ANKRD28: variants seen among roughly 807,000 people sequenced by gnomAD.
The protein encoded by ANKRD28 is serine/threonine-protein phosphatase 6 regulatory ankyrin repeat subunit A.
Under a neutral mutation model 126.5 loss-of-function variants are expected in ANKRD28, and 44 were observed. The observed-to-expected ratio is 0.35, with a 90% confidence interval of 0.27 to 0.45. The LOEUF is 0.45. Among genes scored for constraint, ANKRD28 ranks in the 20% least tolerant of loss-of-function variants. The probability of loss-of-function intolerance (pLI) is 1.00; values close to 1 mark genes in which losing one functional copy is unlikely to be tolerated. For synonymous variants in ANKRD28, 442 were observed against 468.5 expected (o/e 0.94, Z 0.73); for missense variants, 1,110 against 1,316.6 (o/e 0.84, Z 2.43).
intron 13 of ANKRD28, among the ~76,000 whole-genome samples, 189 bp downstream of exon 13, chr3:15,709,479 G>C (rs1451835480): frequency 6.6e-6 from 1 of 152,086 alleles, no homozygotes; most frequent in East Asian, 1.9e-4. Context: ...GCTGTGGTAG[G>C]GACTCAAGAA....
intron 4 of ANKRD28, among the ~76,000 whole-genome samples, chr3:15,745,826 T>G (rs977670020): frequency 6.6e-6 from 1 of 152,250 alleles, no homozygotes; most frequent in Non-Finnish European, 1.5e-5. Context: ...GCACCATTGA[T>G]TCTACCCATC....
At chr3:15,715,091 C>T (rs1209499445) in intron 8 of ANKRD28, among the ~76,000 whole-genome samples, 1 of 152,090 alleles carries the variant, frequency 6.6e-6, no homozygotes, top group Admixed American at 6.6e-5. Context: ...TTTATAGTTA[C>T]GTGTACTAAA....
chr3:15,693,274 T>C (rs2069042446), intron 17 of ANKRD28, among the ~76,000 whole-genome samples: 2 of 152,038 alleles, frequency 1.3e-5, no homozygotes, highest in East Asian at 1.9e-4. Context: ...TTTTCTACCA[T>C]TACCACCATA....
intron 14 of ANKRD28, among the ~76,000 whole-genome samples, chr3:15,699,290 T>C (rs1361060540): frequency 1.3e-5 from 2 of 152,124 alleles, no homozygotes; most frequent in Non-Finnish European, 2.9e-5. Context: ...TAAAAAACCC[T>C]ATTAGAAAAC....
chr3:15,847,055 T>C (rs937484701), intron 1 of ANKRD28, among the ~76,000 whole-genome samples: 26 of 152,162 alleles, frequency 1.7e-4, no homozygotes, highest in Middle Eastern at 3.2e-3. Context: ...AAGACACAGA[T>C]TCTGGGGCAT....
In ANKRD28 at chr3:15,815,831, C is replaced by A. The variant is rs1346365824; in HGVS notation, c.28-20525G>T. ...ACCTCATCAGAAAATATTAAAGGTA[C>A]ATTATTTTAGGTTCTACAGCATGTA... is the stretch of plus-strand genomic sequence containing the variant. On this transcript the variant is annotated intron_variant, in intron 1 of 27. Coordinates refer to the ANKRD28 transcript ENST00000399451. The surrounding 1 kb of genome is among the most constrained non-coding windows in gnomAD (Gnocchi z 4.1). Among the ~76,000 whole-genome samples the A allele has an allele frequency of 6.6e-6, 1 of 152,040 alleles. No individual in the cohort carries two copies. The highest frequency in any genetic ancestry group is 2.4e-5 in the African/African-American group (1 of 41,376).
intron 4 of ANKRD28, among the ~76,000 whole-genome samples, chr3:15,742,488 A>C (rs1299266095): frequency 5.8e-5 from 6 of 103,218 alleles, no homozygotes; most frequent in East Asian, 3.0e-4. Context: ...AAGTGAGGAG[A>C]CCCTCCGCCT....
intron 6 of ANKRD28, among the ~76,000 whole-genome samples, chr3:15,727,576 A>G (rs2074265932): frequency 6.6e-6 from 1 of 150,998 alleles, no homozygotes; most frequent in Non-Finnish European, 1.5e-5. Context: ...AAAAAAAAAA[A>G]AAAAAAAAAA....
intron 1 of ANKRD28, among the ~76,000 whole-genome samples, chr3:15,806,118 G>C: frequency 6.6e-6 from 1 of 152,186 alleles, no homozygotes; most frequent in East Asian, 1.9e-4. Context: ...TTGAAAGAAG[G>C]AAGGTATGTT....
intron 2 of ANKRD28, among the ~76,000 whole-genome samples, chr3:15,781,949 A>G (rs57372048): frequency 0.14 from 20,952 of 152,010 alleles, 2,178 homozygotes; most frequent in East Asian, 0.58. Context: ...GGAGTGTAAG[A>G]ATACTACCTG....
intron 1 of ANKRD28, among the ~76,000 whole-genome samples, chr3:15,841,074 G>A (rs1030320316): frequency 6.6e-6 from 1 of 152,176 alleles, no homozygotes; most frequent in African/African-American, 2.4e-5. Flanking sequence ...GGAGGCAGAG[G>A]TTGCAGTAAG....
chr3:15,737,608 G>C (rs377516982), intron 4 of ANKRD28, among the ~76,000 whole-genome samples: 57 of 24,688 alleles, frequency 2.3e-3, no homozygotes, highest in African/African-American at 9.5e-3. Context: ...AGGACTACAG[G>C]TGCATGCCAC....
At chr3:15,701,575 C>G (rs575755870) in intron 14 of ANKRD28, among the ~76,000 whole-genome samples, 1 of 151,878 alleles carries the variant, frequency 6.6e-6, no homozygotes, top group Non-Finnish European at 1.5e-5. Context: ...ACCCAGGAGG[C>G]GGAGGTTGCA....
intron 2 of ANKRD28, 25 bp downstream of exon 2, chr3:15,795,198 G>T (rs375125027): frequency 1.4e-6 from 2 of 1,468,902 alleles, no homozygotes; most frequent in Non-Finnish European, 1.9e-6. Flanking sequence ...TTTAAAGGCT[G>T]GCATCAGTGA....
intron 4 of ANKRD28, among the ~76,000 whole-genome samples, chr3:15,748,665 T>C (rs1475562512): frequency 1.3e-5 from 2 of 152,228 alleles, no homozygotes; most frequent in East Asian, 3.8e-4. Flanking sequence ...GATGACTATG[T>C]ACCTAGGTGA....
chr3:15,843,733 G>T lies in ANKRD28; in HGVS notation c.27+15644C>A, dbSNP rs1259135063. Among the ~76,000 whole-genome samples the T allele has an allele frequency of 2.0e-5, 3 of 150,826 alleles. No individual in the cohort carries two copies. Among genetic ancestry groups the T allele is most frequent in the African/African-American group, 7.3e-5 (3 of 40,868 alleles). Reference sequence around the variant, plus strand: ...TACATCTAAATTTCAGATAAAGATAGAATTAAGAGTACAGTAGGCCAGTTT... The same window carrying T: ...TACATCTAAATTTCAGATAAAGATATAATTAAGAGTACAGTAGGCCAGTTT... On this transcript the variant is annotated intron_variant, in intron 1 of 27. Transcript: ENST00000399451. The surrounding 1 kb of genome is among the most constrained non-coding windows in gnomAD (Gnocchi z 5.2).
chr3:15,848,932 G>A (rs560479172), intron 1 of ANKRD28, among the ~76,000 whole-genome samples: 7 of 152,128 alleles, frequency 4.6e-5, no homozygotes, highest in East Asian at 1.9e-4. Context: ...CTCTAGTCAC[G>A]GAAAATTATC....
intron 2 of ANKRD28, among the ~76,000 whole-genome samples, chr3:15,776,682 C>G (rs1285528433): frequency 6.6e-6 from 1 of 152,152 alleles, no homozygotes; most frequent in Non-Finnish European, 1.5e-5. Flanking sequence ...TAATGATGTT[C>G]TGTTTTCTGA....
chr3:15,739,498 C>T (rs2700009), intron 4 of ANKRD28, among the ~76,000 whole-genome samples: 95,406 of 151,914 alleles, frequency 0.63, 31,367 homozygotes, highest in East Asian at 0.91. Context: ...GATCTGGGTT[C>T]TCATGTCAAT....
Sources: allele counts gnomAD v4.1 joint callset (sites outside exome capture counted in the v4.1 genomes callset), GRCh38; gene constraint gnomAD v4.1.1; non-coding constraint Gnocchi (gnomAD v3.1); transcripts MANE v1.5; gene names NCBI Gene and HGNC (gene_info 2026-07-23, HGNC 2026-07-21).